ACTA2: variants seen among roughly 807,000 people sequenced by gnomAD.
ACTA2 encodes the protein actin alpha 2, smooth muscle.
A neutral mutation model predicts 39.5 loss-of-function variants in ACTA2; 12 were observed. That is an observed-to-expected ratio of 0.30 (90% CI 0.19 to 0.49). ACTA2 has a LOEUF of 0.49. ACTA2 is among the 20% of genes least tolerant of loss of function. The pLI is 0.99. For missense variants in ACTA2, 236 were observed against 498.8 expected, an observed-to-expected ratio of 0.47 and a Z score of 5.02; for synonymous variants, 158 against 180.6, an observed-to-expected ratio of 0.88 and a Z score of 1.00.
At chr10:88,965,691 T>G (rs1159077595) in intron 1 of ACTA2, among the ~76,000 whole-genome samples, 1 of 152,148 alleles carries the variant, frequency 6.6e-6, no homozygotes, top group Non-Finnish European at 1.5e-5. Flanking sequence ...GTGACCATCA[T>G]GCTTTCCCCT....
chr10:88,975,021 G>A (rs753776975), intron 1 of ACTA2: 5 of 152,182 alleles, frequency 3.3e-5, no homozygotes, highest in Admixed American at 6.5e-5. Flanking sequence ...TCAGTTAGAT[G>A]ATGCAAATTG....
At chr10:88,958,968 C>T (rs953125935) in intron 1 of ACTA2, among the ~76,000 whole-genome samples, 9 of 152,152 alleles carry the variant, frequency 5.9e-5, no homozygotes, top group Non-Finnish European at 1.0e-4. Context: ...CTGTATATTA[C>T]TCATAGGGAC....
chr10:88,946,966 C>G, intron 3 of ACTA2: 1 of 235,910 alleles, frequency 4.2e-6, no homozygotes, highest in South Asian at 5.4e-5. Context: ...TGTTCAATTC[C>G]CACCTATGAG....
At position 88,938,162 on chromosome 10, in the gene ACTA2, C is replaced by G; in HGVS notation, c.889G>C (p.Ala297Pro). 1 of 1,614,040 alleles carries G rather than the reference C, an allele frequency of 6.2e-7. No individual in the cohort carries two copies. ...CDIDIRKDLYANNVLSGGTTM... is the reference protein window; with the variant it reads ...CDIDIRKDLYPNNVLSGGTTM... ...GTGCCCCCTGATAGGACATTGTTAG[C>G]ATAGAGGTCCTTCCTGATGTCAATA... is the stretch of plus-strand genomic sequence containing the variant. Residue 297 changes from alanine (A) to proline (P), a missense_variant, in exon 8 of 9, where the codon GCT becomes CCT. By Grantham distance (27) the Ala-to-Pro change is conservative (BLOSUM62 -1). Coordinates refer to ENST00000224784, the MANE Select transcript of ACTA2 (RefSeq NM_001613.4).
chr10:88,942,671 T>A (rs1845877073), intron 4 of ACTA2, among the ~76,000 whole-genome samples: 1 of 152,128 alleles, frequency 6.6e-6, no homozygotes, highest in Non-Finnish European at 1.5e-5. Flanking sequence ...CATTTCTCCA[T>A]CTGTAAGACC....
intron 3 of ACTA2, 78 bp downstream of exon 3, chr10:88,947,180 C>T (rs778495896): frequency 6.3e-7 from 1 of 1,578,772 alleles, no homozygotes. Flanking sequence ...ATTTCCCCAG[C>T]AGTAGTGTGG....
intron 4 of ACTA2, among the ~76,000 whole-genome samples, chr10:88,943,410 G>A (rs190019271): frequency 8.5e-5 from 13 of 152,188 alleles, no homozygotes; most frequent in East Asian, 3.9e-4. Context: ...AGAAATTAAC[G>A]GAGTTCTTTA....
intron 1 of ACTA2, among the ~76,000 whole-genome samples, chr10:88,952,016 G>A (rs1271386485): frequency 1.3e-5 from 2 of 152,140 alleles, no homozygotes; most frequent in Non-Finnish European, 2.9e-5. Context: ...CGGCCGGGAG[G>A]CACACACAGC....
In ACTA2 at chr10:88,947,292, T is replaced by C; in HGVS notation, c.224A>G (p.His75Arg). 6.2e-7 allele frequency: 1 copy of C among 1,613,976 alleles called. No individual in the cohort carries two copies. ...GILTLKYPIE[H>R]GIITNWDDME... ...GTCGTCCCAGTTGGTGATGATGCCA[T>C]GTTCTATCGGGTACTTCAGGGTCAG... Residue 75 changes from histidine (H) to arginine (R), a missense_variant, in exon 3 of 9, where the codon CAT becomes CGT. Transcript: ENST00000224784.
At chr10:88,939,378 C>G in intron 7 of ACTA2, 129 bp downstream of exon 7, 1 of 1,247,384 alleles carries the variant, frequency 8.0e-7, no homozygotes, top group East Asian at 2.3e-5. Flanking sequence ...GTGGCACTTT[C>G]CCTTTTTCTG....
rs1037358132 is a variant in ACTA2 at position 88,981,320 on chromosome 10, T to C, written c.-24+9619A>G. On this transcript the variant is annotated intron_variant, in intron 1 of 4. Coordinates refer to the ACTA2 transcript ENST00000415557. ...CATTGTGTGCATAAAGCACTTTTCCTGTGCAGTTAAACCCTTGATAAATAT... is the reference window on the plus strand; with the variant it reads ...CATTGTGTGCATAAAGCACTTTTCCCGTGCAGTTAAACCCTTGATAAATAT... Among the ~76,000 whole-genome samples the C allele has an allele frequency of 3.9e-5, 6 of 152,230 alleles. No individual in the cohort carries two copies. The East Asian group carries it at 1.2e-3, about 29-fold the overall frequency.
chr10:88,952,123 T>G lies in ACTA2; in HGVS notation c.-24+608A>C, dbSNP rs936147484. Among the ~76,000 whole-genome samples, 4 of 152,226 alleles carry G rather than the reference T, an allele frequency of 2.6e-5. No homozygotes were observed. In the South Asian group the frequency reaches 8.3e-4, roughly 32 times the overall value. On this transcript the variant is annotated intron_variant, in intron 1 of 8. Transcript: ENST00000224784. ...TGCTGCAAATGACCAATGATGTAGATCCAAACTTGTAAGGTCACACATACA... is the reference window on the plus strand; with the variant it reads ...TGCTGCAAATGACCAATGATGTAGAGCCAAACTTGTAAGGTCACACATACA...
intron 1 of ACTA2, among the ~76,000 whole-genome samples, chr10:88,972,487 ATTTTT>A: frequency 6.6e-6 from 1 of 151,988 alleles, no homozygotes; most frequent in Admixed American, 6.6e-5. Context: ...TCTTTGATCT[ATTTTT>A]ATTTTTTGCC....
intron 1 of ACTA2, among the ~76,000 whole-genome samples, chr10:88,978,792 C>T (rs753714162): frequency 6.6e-6 from 1 of 152,118 alleles, no homozygotes; most frequent in Admixed American, 6.6e-5. Flanking sequence ...AATTGTTCCA[C>T]GTCTAATGGT....
chr10:88,952,269 G>T (rs575247260), intron 1 of ACTA2, among the ~76,000 whole-genome samples: 1 of 152,310 alleles, frequency 6.6e-6, no homozygotes, highest in South Asian at 2.1e-4. Context: ...CTATTCTTCT[G>T]TTCACTTCCA....
chr10:88,953,825 C>A (rs575208467), upstream of ACTA2, among the ~76,000 whole-genome samples: 1 of 152,140 alleles, frequency 6.6e-6, no homozygotes, highest in Non-Finnish European at 1.5e-5. Context: ...TGCTCTCTCT[C>A]GCCTGCTGCC....
At chr10:88,968,006 T>A (rs892191385) in intron 1 of ACTA2, among the ~76,000 whole-genome samples, 1 of 152,208 alleles carries the variant, frequency 6.6e-6, no homozygotes, top group African/African-American at 2.4e-5. Flanking sequence ...AAAGTCCTTT[T>A]TTTTTTCTGT....
chr10:88,971,848 A>G (rs1023850949), intron 1 of ACTA2, among the ~76,000 whole-genome samples: 3 of 152,102 alleles, frequency 2.0e-5, no homozygotes, highest in African/African-American at 4.8e-5. Flanking sequence ...AGTTTGCCTA[A>G]CAGTTTATTT....
chr10:88,946,427 A>G (rs959983658), intron 3 of ACTA2, among the ~76,000 whole-genome samples: 2 of 150,818 alleles, frequency 1.3e-5, no homozygotes, highest in African/African-American at 4.9e-5. Context: ...TTGAGATAGG[A>G]TCTCACTCTG....
Sources: gnomAD v4.1 joint callset for allele counts (sites outside exome capture counted in the v4.1 genomes callset) on GRCh38, gnomAD v4.1.1 for gene constraint, MANE v1.5 for transcripts, NCBI Gene and HGNC (gene_info 2026-07-23, HGNC 2026-07-21) for gene names.